The following CSMD1 variants were observed in gnomAD, a reference collection of about 807,000 sequenced individuals.
CSMD1 encodes CUB and sushi domain-containing protein 1.
CSMD1 carries 213 observed loss-of-function variants against 417.5 expected under a neutral mutation model. The ratio of observed to expected loss-of-function variants is 0.51; its 90% CI spans 0.46 to 0.57. The LOEUF is 0.57. Among genes scored for constraint, CSMD1 ranks in the 20% least tolerant of loss-of-function variants. The pLI is 0.00. For synonymous variants in CSMD1, 2,862 were observed against 1,736.8 expected, an observed-to-expected ratio of 1.65 and a Z score of -16.11; for missense variants, 6,923 against 4,529.7, an observed-to-expected ratio of 1.53 and a Z score of -15.17.
intron 12 of CSMD1, among the ~76,000 whole-genome samples, chr8:3,429,539 G>C (rs183973494): frequency 6.6e-6 from 1 of 152,208 alleles, no homozygotes; most frequent in Admixed American, 6.5e-5. Flanking sequence ...GGGCTGTCAG[G>C]AACGTTCAAT....
intron 3 of CSMD1, among the ~76,000 whole-genome samples, chr8:4,347,322 C>A (rs568653142): frequency 6.6e-6 from 1 of 152,280 alleles, no homozygotes; most frequent in Admixed American, 6.5e-5. Flanking sequence ...ATTATTCAGT[C>A]TATAGCATAG....
chr8:4,098,548 G>C (rs1436125278), intron 3 of CSMD1, among the ~76,000 whole-genome samples: 2 of 152,084 alleles, frequency 1.3e-5, no homozygotes, highest in Non-Finnish European at 1.5e-5. Context: ...TGAGAAAGTG[G>C]ATTCAGTCAG....
chr8:4,553,359 C>T (rs542619629), intron 2 of CSMD1, among the ~76,000 whole-genome samples: 1 of 151,776 alleles, frequency 6.6e-6, no homozygotes, highest in East Asian at 1.9e-4. Flanking sequence ...TCCTGACAGG[C>T]ATTTATAAAC....
intron 11 of CSMD1, among the ~76,000 whole-genome samples, chr8:3,492,471 G>A (rs568179051): frequency 5.3e-5 from 8 of 152,146 alleles, no homozygotes; most frequent in African/African-American, 1.9e-4. Flanking sequence ...AATGAAAGAC[G>A]CTTCTGGTTT....
chr8:4,787,800 T>A, intron 1 of CSMD1: 2 of 1,574,116 alleles, frequency 1.3e-6, no homozygotes, highest in East Asian at 2.2e-5. Flanking sequence ...CTGAATTGGA[T>A]ATCATGAGTC....
At chr8:2,947,640 C>A (rs1209750191) in intron 68 of CSMD1, among the ~76,000 whole-genome samples, 1 of 152,186 alleles carries the variant, frequency 6.6e-6, no homozygotes, top group African/African-American at 2.4e-5. Flanking sequence ...ACTTAGACAT[C>A]TACACAGCAT....
chr8:3,505,007 G>T (rs894763731), intron 10 of CSMD1, among the ~76,000 whole-genome samples: 44 of 91,086 alleles, frequency 4.8e-4, no homozygotes, highest in African/African-American at 2.2e-3. Context: ...CAGTGATGGA[G>T]AAACAGTTAA....
At chr8:4,503,968 TC>T (rs1201950173) in intron 2 of CSMD1, among the ~76,000 whole-genome samples, 3 of 125,488 alleles carry the variant, frequency 2.4e-5, no homozygotes, top group Non-Finnish European at 5.0e-5. Flanking sequence ...ACTTGCATAT[TC>T]AAAAAAAAAA....
intron 12 of CSMD1, among the ~76,000 whole-genome samples, chr8:3,435,762 T>C (rs1432088937): frequency 6.6e-6 from 1 of 152,178 alleles, no homozygotes; most frequent in African/African-American, 2.4e-5. Context: ...GAACAATGTG[T>C]GTCAGGTCAG....
chr8:4,826,003 G>A (rs879558290), intron 1 of CSMD1, among the ~76,000 whole-genome samples: 11 of 152,126 alleles, frequency 7.2e-5, no homozygotes, highest in Non-Finnish European at 1.6e-4. Context: ...TGGGGAGGAT[G>A]TGGAGAAATT....
At chr8:3,047,893 G>T (rs1226250352) in intron 50 of CSMD1, among the ~76,000 whole-genome samples, 1 of 152,158 alleles carries the variant, frequency 6.6e-6, no homozygotes, top group African/African-American at 2.4e-5. Flanking sequence ...GACATAAAAA[G>T]TAGTTTCTGT....
Position 4,888,078 on chromosome 8 carries a change from A to G in CSMD1, c.85+106254T>C, listed in dbSNP as rs140169791. Among the ~76,000 whole-genome samples, 1,409 of 152,170 alleles carry G rather than the reference A, an allele frequency of 9.3e-3. 30 individuals carry two copies. The highest frequency in any genetic ancestry group is 0.042 in the South Asian group (201 of 4,826). On this transcript the variant is annotated intron_variant, in intron 1 of 69. Coordinates refer to ENST00000635120, the MANE Select transcript of CSMD1 (RefSeq NM_033225.6). ...TTTACTCTGAAGATAAACTTTCAAC[A>G]ATGTAAAAATACATATGTACACTCT...
At chr8:4,455,163 G>T (rs62481021) in intron 2 of CSMD1, among the ~76,000 whole-genome samples, 2 of 152,070 alleles carry the variant, frequency 1.3e-5, no homozygotes, top group Admixed American at 6.5e-5. Flanking sequence ...AAGGAAAATG[G>T]TATTTCAGAA....
chr8:3,072,697 G>A (rs767686774), intron 49 of CSMD1, among the ~76,000 whole-genome samples: 25 of 152,146 alleles, frequency 1.6e-4, no homozygotes, highest in Non-Finnish European at 3.4e-4. Flanking sequence ...GCAGAGAAAC[G>A]ATGCCAAGAA....
intron 7 of CSMD1, among the ~76,000 whole-genome samples, chr8:3,627,192 G>A (rs1009991950): frequency 6.6e-6 from 1 of 152,106 alleles, no homozygotes; most frequent in African/African-American, 2.4e-5. Flanking sequence ...ATGCTATTCA[G>A]ATATTTTGCA....
At chr8:4,973,732 G>A (rs1032866311) in intron 1 of CSMD1, among the ~76,000 whole-genome samples, 1 of 152,120 alleles carries the variant, frequency 6.6e-6, no homozygotes, top group Non-Finnish European at 1.5e-5. Context: ...TAGACTTGCT[G>A]ATGTGCATTT....
chr8:3,292,392 C>G (rs538300313), intron 25 of CSMD1, among the ~76,000 whole-genome samples: 3 of 152,010 alleles, frequency 2.0e-5, no homozygotes, highest in African/African-American at 4.8e-5. Context: ...TGTTAACTTT[C>G]TGTCTCGTTG....
At chr8:4,657,290 G>A (rs777408967) in intron 1 of CSMD1, among the ~76,000 whole-genome samples, 1 of 152,174 alleles carries the variant, frequency 6.6e-6, no homozygotes. Flanking sequence ...AAAGCCTGGC[G>A]AAGTGTTGAA....
At chr8:3,484,473 C>A (rs941116040) in intron 11 of CSMD1, among the ~76,000 whole-genome samples, 1 of 152,152 alleles carries the variant, frequency 6.6e-6, no homozygotes, top group Admixed American at 6.5e-5. Flanking sequence ...ATATGTAAAA[C>A]TGTAAAACTT....
Sources: allele counts gnomAD v4.1 joint callset (sites outside exome capture counted in the v4.1 genomes callset), GRCh38; gene constraint gnomAD v4.1.1; transcripts MANE v1.5; gene names NCBI Gene and HGNC (gene_info 2026-07-23, HGNC 2026-07-21).